Variants in ADAMTS7 observed in about 807,000 individuals in gnomAD.
The protein encoded by ADAMTS7 is A disintegrin and metalloproteinase with thrombospondin motifs 7.
In ADAMTS7, 89 loss-of-function variants were observed where a neutral mutation model predicts 172.6. That is an observed-to-expected ratio of 0.52 (90% CI 0.43 to 0.61). The LOEUF is 0.61. ADAMTS7 is among the 20% of genes least tolerant of loss of function. The pLI, the probability that ADAMTS7 is intolerant of heterozygous loss-of-function variation, is 0.00. For synonymous variants in ADAMTS7, 885 were observed against 978.4 expected (o/e 0.90, Z 1.78); for missense variants, 1,973 against 2,355.6 (o/e 0.84, Z 3.36).
intron 1 of ADAMTS7, among the ~76,000 whole-genome samples, chr15:78,802,425 G>A (rs1164864867): frequency 6.6e-6 from 1 of 152,170 alleles, no homozygotes; most frequent in African/African-American, 2.4e-5. Flanking sequence ...CTCCTGGATT[G>A]GGGAGACAGA....
Position 78,763,731 on chromosome 15 carries a change from A to C in ADAMTS7, c.4708T>G (p.Cys1570Gly). 1 of 1,588,808 alleles carries C rather than the reference A, an allele frequency of 6.3e-7. No homozygotes were observed. The stretch of plus-strand genomic sequence containing the variant: ...CAGGGCCCCACCACCCACTGCGTGC[A>C]GGGGTGGGTGTTGCAGGGCCGGGTG... ...NTTRPCNTHPCTQWVVGPWGQ... is the reference protein window; with the variant it reads ...NTTRPCNTHPGTQWVVGPWGQ... Residue 1570 changes from cysteine (C) to glycine (G), a missense_variant, in exon 22 of 24, where the codon TGC becomes GGC. Coordinates refer to ENST00000388820, the MANE Select transcript of ADAMTS7 (RefSeq NM_014272.5).
At chr15:78,802,498 T>C (rs2055738987) in intron 1 of ADAMTS7, among the ~76,000 whole-genome samples, 1 of 152,182 alleles carries the variant, frequency 6.6e-6, no homozygotes, top group South Asian at 2.1e-4. Context: ...TAGCTCTGGT[T>C]TCTTTCTTTT....
intron 1 of ADAMTS7, 135 bp downstream of exon 1, chr15:78,810,986 G>T: frequency 1.0e-6 from 1 of 973,572 alleles, no homozygotes; most frequent in Non-Finnish European, 1.3e-6. Flanking sequence ...AATACCCAGG[G>T]AGCGGAAGAC....
At position 78,800,297 on chromosome 15, in the gene ADAMTS7, G is replaced by C; in HGVS notation, c.351C>G (p.Gly117=). ...VSETRRRGGL[G]RAHIRAHTPA... ...GGGTGTGGGCCCGGATGTGCGCGCG[G>C]CCCAGGCCGCCGCGCCGCCGCGTCT... is the stretch of plus-strand genomic sequence containing the variant. Residue 117 remains glycine (G), a synonymous_variant, in exon 2 of 24, where the codon GGC becomes GGG. Coordinates refer to ENST00000388820, the MANE Select transcript of ADAMTS7 (RefSeq NM_014272.5). 6.9e-6 allele frequency: 11 copies of C among 1,589,304 alleles called. No homozygotes were observed. The highest frequency in any genetic ancestry group is 9.4e-6 in the Non-Finnish European group (11 of 1,172,760).
At chr15:78,793,361 T>C (rs577029393) in intron 4 of ADAMTS7, among the ~76,000 whole-genome samples, 1 of 152,098 alleles carries the variant, frequency 6.6e-6, no homozygotes, top group Admixed American at 6.5e-5. Context: ...CCTTTTTTTT[T>C]TTTTTCTTTT....
At chr15:78,801,030 T>G (rs1402621774) in intron 1 of ADAMTS7, among the ~76,000 whole-genome samples, 1 of 152,184 alleles carries the variant, frequency 6.6e-6, no homozygotes, top group East Asian at 1.9e-4. Flanking sequence ...CGTCAGCCAC[T>G]GCGCCCGGCC....
chr15:78,808,714 C>T (rs1357308194), intron 1 of ADAMTS7, among the ~76,000 whole-genome samples: 2 of 152,162 alleles, frequency 1.3e-5, no homozygotes, highest in African/African-American at 4.8e-5. Flanking sequence ...ATTGCAGGTT[C>T]CAGTCTCGAC....
In ADAMTS7 at chr15:78,800,558, A is replaced by C. The variant is rs2055711545; in HGVS notation, c.101-11T>G. ...CCTCGGTTGCACGTCCTGCAGGGAG[A>C]GAACCACAAACGCCTAGGCCCAGGG... On this transcript the variant is annotated splice_polypyrimidine_tract_variant and intron_variant, in intron 1 of 23. Transcript: ENST00000388820. 2 of 1,578,610 alleles carry C rather than the reference A, an allele frequency of 1.3e-6. No homozygotes were observed. Among genetic ancestry groups the C allele is most frequent in the Non-Finnish European group, 1.7e-6 (2 of 1,162,626 alleles).
chr15:78,792,738 G>C (rs1049412211), intron 4 of ADAMTS7, among the ~76,000 whole-genome samples: 1 of 152,112 alleles, frequency 6.6e-6, no homozygotes, highest in African/African-American at 2.4e-5. Context: ...ACTGGAACCC[G>C]GGAAGGCAGA....
Position 78,767,530 on chromosome 15 carries a change from C to T in ADAMTS7, c.2708G>A (p.Arg903Gln), listed in dbSNP as rs774523736. The T allele has an allele frequency of 3.8e-6, 6 of 1,592,674 alleles. No homozygotes were observed. The highest frequency in any genetic ancestry group is 2.3e-5 in the East Asian group (1 of 44,026). Residue 903 changes from arginine to glutamine, a missense_variant, in exon 18 of 24, where the codon CGG (arginine) becomes CAG (glutamine). Physicochemically the swap from Arg to Gln is conservative, Grantham distance 43 (BLOSUM62 1). Around this residue, in one of 8 missense-constraint regions of ADAMTS7, gnomAD observed 771 missense variants for 952.6 expected, o/e 0.81. Transcript: ENST00000388820. Reference protein sequence around the residue: ...SSCGPGGLSRRAVLCIRSVGL... With the variant: ...SSCGPGGLSRQAVLCIRSVGL... ...CACGCTGCGGATGCAGAGCACGGCCCGGCGGGAGAGGCCCCCAGGCCCGCA... is the reference window on the plus strand; with the variant it reads ...CACGCTGCGGATGCAGAGCACGGCCTGGCGGGAGAGGCCCCCAGGCCCGCA...
chr15:78,786,482 G>C (rs1186916299), intron 8 of ADAMTS7, among the ~76,000 whole-genome samples: 6 of 152,178 alleles, frequency 3.9e-5, no homozygotes, highest in Non-Finnish European at 8.8e-5. Context: ...TTTTCCATTT[G>C]AACCAGACTT....
chr15:78,765,522 A>T, intron 19 of ADAMTS7, 123 bp downstream of exon 19: 1 of 1,483,562 alleles, frequency 6.7e-7, no homozygotes, highest in Non-Finnish European at 9.1e-7. Flanking sequence ...TAATCCTGGG[A>T]ACCCCTGCCC....
chr15:78,762,809 A>C (rs1199357765), intron 22 of ADAMTS7, among the ~76,000 whole-genome samples: 3 of 152,238 alleles, frequency 2.0e-5, no homozygotes, highest in Admixed American at 1.3e-4. Context: ...ACCGTGGGAC[A>C]GCCCTCGGGG....
chr15:78,759,883 C>G (rs1315742412), intron 23 of ADAMTS7, among the ~76,000 whole-genome samples: 1 of 152,166 alleles, frequency 6.6e-6, no homozygotes, highest in African/African-American at 2.4e-5. Context: ...CAGGGCGACG[C>G]CTTGCCACCC....
In ADAMTS7 at chr15:78,798,252, C is replaced by T. The variant is rs988446748; in HGVS notation, c.457-139G>A. On this transcript the variant is annotated intron_variant, in intron 2 of 23. Coordinates refer to ENST00000388820, the MANE Select transcript of ADAMTS7 (RefSeq NM_014272.5). ...ACTGCCCGCGGACACACTGTACTTTCCTCCCGCTGGGCCTTTGCTCACTCT... is the reference window on the plus strand; with the variant it reads ...ACTGCCCGCGGACACACTGTACTTTTCTCCCGCTGGGCCTTTGCTCACTCT... 6 of 788,800 alleles carry T rather than the reference C, an allele frequency of 7.6e-6. No homozygotes were observed. In the African/African-American group the frequency reaches 1.1e-4, roughly 15 times the overall value. The allele number at this position is 788,800 out of a possible 1,614,324, so 48.9% of individuals were successfully genotyped here. A position where few individuals can be genotyped will look rare whatever the true frequency, so the allele number is the denominator to read the frequency against.
In ADAMTS7 at chr15:78,774,697, G is replaced by T. The variant is rs543818223; in HGVS notation, c.1803C>A (p.His601Gln). The T allele has an allele frequency of 6.2e-7, 1 of 1,611,698 alleles. No individual in the cohort carries two copies. Among genetic ancestry groups the T allele is most frequent in the Non-Finnish European group, 8.5e-7 (1 of 1,179,810 alleles). ...TAGCGTCAAAGTGGCTGCACTGGAC[G>T]TGGCGGAAGGAGGGGCGGCCAGCAG... ...ACPAGRPSFRHVQCSHFDAML... is the reference protein window; with the variant it reads ...ACPAGRPSFRQVQCSHFDAML... Residue 601 changes from histidine (H) to glutamine (Q), a missense_variant, in exon 12 of 24, where the codon CAC (histidine) becomes CAA (glutamine). His to Gln is a conservative substitution (Grantham distance 24). Transcript: ENST00000388820.
In ADAMTS7 at chr15:78,771,366, G is replaced by T; in HGVS notation, c.2377-63C>A. ...CTTCTCCATCCACCCAGTCCTAAAG[G>T]AGCTGACCCCAGCCACCTCTGTGAA... On this transcript the variant is annotated intron_variant, in intron 15 of 23. Transcript: ENST00000388820. The surrounding 1 kb of genome is among the most constrained non-coding windows in gnomAD (Gnocchi z 4.9). 2 of 1,609,724 alleles carry T rather than the reference G, an allele frequency of 1.2e-6. No individual in the cohort carries two copies. Among genetic ancestry groups the T allele is most frequent in the South Asian group, 1.1e-5 (1 of 90,410 alleles).
intron 22 of ADAMTS7, among the ~76,000 whole-genome samples, chr15:78,763,367 G>C (rs1403615288): frequency 1.3e-5 from 2 of 152,152 alleles, no homozygotes; most frequent in African/African-American, 4.8e-5. Flanking sequence ...CCTTTGCCGG[G>C]CTCCCCGGCC....
chr15:78,773,615 A>T (rs928964337), intron 13 of ADAMTS7, among the ~76,000 whole-genome samples: 2 of 152,008 alleles, frequency 1.3e-5, no homozygotes, highest in African/African-American at 4.8e-5. Flanking sequence ...GATACCCCAG[A>T]GGCTTAGAGG....
Sources: allele counts gnomAD v4.1 joint callset (sites outside exome capture counted in the v4.1 genomes callset), GRCh38; gene constraint gnomAD v4.1.1; regional missense constraint gnomAD v4.1.1; non-coding constraint Gnocchi (gnomAD v3.1); transcripts MANE v1.5; gene names NCBI Gene and HGNC (gene_info 2026-07-23, HGNC 2026-07-21).